FGF13: variants seen among roughly 807,000 people sequenced by gnomAD.
FGF13 encodes fibroblast growth factor homologous factor 2.
In FGF13, 2 loss-of-function variants were observed where a neutral mutation model predicts 19.5. The ratio of observed to expected loss-of-function variants is 0.10; its 90% confidence interval spans 0.04 to 0.32. The LOEUF is 0.32. Ranked by LOEUF, FGF13 falls within the 10% of genes least tolerant of loss-of-function variation. The pLI is 1.00. For synonymous variants in FGF13, 72 were observed against 76.9 expected (o/e 0.94, Z 0.33); for missense variants, 113 against 192.7 (o/e 0.59, Z 2.45).
intron 1 of FGF13, among the ~76,000 whole-genome samples, chrX:139,199,311 CT>C (rs201827656): frequency 0.021 from 2,326 of 111,776 alleles, 68 homozygotes; most frequent in African/African-American, 0.072. Flanking sequence ...TTTTTCCCCC[CT>C]CCTTCAATTG....
chrX:139,104,755 G>T (rs1469537288), intron 1 of FGF13, among the ~76,000 whole-genome samples: 1 of 110,868 alleles, frequency 9.0e-6, no homozygotes, highest in Non-Finnish European at 1.9e-5. Flanking sequence ...GAAAGGCAGG[G>T]AGCTAGCTCT....
intron 3 of FGF13, among the ~76,000 whole-genome samples, chrX:138,702,211 T>G (rs917647594): frequency 1.8e-5 from 2 of 111,305 alleles, no homozygotes; most frequent in African/African-American, 6.5e-5. Flanking sequence ...ATTAATTAAT[T>G]AAGTTAAAAT....
intron 1 of FGF13, among the ~76,000 whole-genome samples, chrX:138,960,143 T>A (rs1052000147): frequency 1.8e-5 from 2 of 112,056 alleles, no homozygotes; most frequent in African/African-American, 6.5e-5. Context: ...TCGGCATGTT[T>A]TTGCAGTGGC....
intron 1 of FGF13, among the ~76,000 whole-genome samples, chrX:138,924,093 G>A (rs1250556142): frequency 8.9e-6 from 1 of 112,219 alleles, no homozygotes; most frequent in East Asian, 2.8e-4. Context: ...ACTGAGGAGA[G>A]GATGTATTAG....
At chrX:138,640,416 A>G (rs2089237119) in intron 3 of FGF13, among the ~76,000 whole-genome samples, 1 of 112,245 alleles carries the variant, frequency 8.9e-6, no homozygotes, top group South Asian at 3.7e-4. Flanking sequence ...AAGGCTTGGG[A>G]GCAATATAAA....
rs187849457 is a variant in FGF13, at chrX:138,785,712, A to C, written c.217+71800T>G. The stretch of plus-strand genomic sequence containing the variant: ...ATTTTTTACAGCTCCTTTTCTTCTC[A>C]CTCTAAATGACCTCGGCCTCATTCA... On this transcript the variant is annotated intron_variant, in intron 3 of 6. Coordinates refer to the FGF13 transcript ENST00000436198. Among the ~76,000 whole-genome samples, 16 of 111,257 alleles carry C rather than the reference A, an allele frequency of 1.4e-4. No homozygotes were observed. In the East Asian group the frequency reaches 4.5e-3, roughly 31 times the overall value.
intron 1 of FGF13, among the ~76,000 whole-genome samples, chrX:138,996,275 C>T: frequency 8.9e-6 from 1 of 112,488 alleles, no homozygotes; most frequent in Non-Finnish European, 1.9e-5. Flanking sequence ...CCCTTTCCTA[C>T]CCAAGGGAAG....
At chrX:138,858,032 A>T (rs1019279109) in intron 2 of FGF13, among the ~76,000 whole-genome samples, 1 of 112,086 alleles carries the variant, frequency 8.9e-6, no homozygotes, top group South Asian at 3.7e-4. Flanking sequence ...AAGTATTCAT[A>T]GGTTAAACTG....
intron 1 of FGF13, among the ~76,000 whole-genome samples, chrX:139,098,677 C>T (rs911689725): frequency 1.5e-4 from 17 of 111,199 alleles, no homozygotes; most frequent in Admixed American, 9.6e-4. Flanking sequence ...GGAAGCTAAA[C>T]GCTGGGTACG....
chrX:138,667,768 G>GCAGAC (rs770027520), intron 3 of FGF13: 1 of 350,513 alleles, frequency 2.9e-6, no homozygotes, highest in Non-Finnish European at 5.8e-6. Flanking sequence ...CAGATAGAGT[G>GCAGAC]CAGACCAGGG....
At chrX:138,646,994 T>C (rs1212226770) in intron 3 of FGF13, among the ~76,000 whole-genome samples, 5 of 111,048 alleles carry the variant, frequency 4.5e-5, no homozygotes, top group Non-Finnish European at 9.4e-5. Flanking sequence ...CGTGAATGTT[T>C]AACGGGGAAG....
intron 1 of FGF13, among the ~76,000 whole-genome samples, chrX:139,138,969 G>A (rs1158829073): frequency 1.1e-5 from 1 of 88,040 alleles, no homozygotes; most frequent in African/African-American, 4.3e-5. Flanking sequence ...TCACTCTGTT[G>A]CCTAGGCTGG....
At chrX:138,880,425 C>A (rs972480799) in intron 1 of FGF13, among the ~76,000 whole-genome samples, 8 of 111,723 alleles carry the variant, frequency 7.2e-5, no homozygotes, top group Non-Finnish European at 1.5e-4. Flanking sequence ...AGACTTGGAA[C>A]CAACCCAAAT....
At position 138,632,613 on chromosome X, in the gene FGF13, C is replaced by T. The variant is rs971874003; in HGVS notation, c.*237G>A. The stretch of plus-strand genomic sequence containing the variant: ...ATCATGAGAAAATTTGGCAGTCCTT[C>T]TCTCAGATTTAGTTCACTAAAATGC... On this transcript the variant is annotated 3_prime_UTR_variant, in exon 5 of 5. Coordinates refer to ENST00000315930, the MANE Select transcript of FGF13 (RefSeq NM_004114.5). 7 of 289,080 alleles carry T rather than the reference C, an allele frequency of 2.4e-5. No individual in the cohort carries two copies. The highest frequency in any genetic ancestry group is 5.1e-5 in the Admixed American group (1 of 19,603). 23.8% of individuals were successfully genotyped at this position (289,080 alleles called of 1,213,427 possible).
At chrX:138,845,177 T>C in intron 3 of FGF13, among the ~76,000 whole-genome samples, 1 of 111,058 alleles carries the variant, frequency 9.0e-6, no homozygotes, top group Non-Finnish European at 1.9e-5. Context: ...TATTAGAGTG[T>C]TTTTGAATGC....
chrX:139,174,135 C>T lies in FGF13; in HGVS notation c.-113+29281G>A, dbSNP rs181909119. ...GGTATCTCATTGTGGTTTTGATTTG[C>T]ATTTCTCCAATGACCAGTGATGATG... On this transcript the variant is annotated intron_variant, in intron 1 of 2. Coordinates refer to the FGF13 transcript ENST00000421460. Among the ~76,000 whole-genome samples, 11 of 112,574 alleles carry T rather than the reference C, an allele frequency of 9.8e-5. 1 individual carries two copies. In the East Asian group the frequency reaches 3.1e-3, roughly 31 times the overall value.
At chrX:138,870,119 CCCTATAAA>C (rs755271911) in intron 1 of FGF13, among the ~76,000 whole-genome samples, 7 of 111,925 alleles carry the variant, frequency 6.3e-5, no homozygotes, top group Admixed American at 2.9e-4. Context: ...CCCTCTCATT[CCCTATAAA>C]CCTAGCTGGT....
intron 1 of FGF13, among the ~76,000 whole-genome samples, chrX:138,913,182 CTTTTTTTT>C: frequency 2.7e-5 from 1 of 37,092 alleles, no homozygotes; most frequent in East Asian, 1.3e-3. Context: ...AAAGCATCTA[CTTTTTTTT>C]TTTTTTTTTT....
intron 3 of FGF13, among the ~76,000 whole-genome samples, chrX:138,779,462 T>A: frequency 9.2e-6 from 1 of 109,184 alleles, no homozygotes; most frequent in East Asian, 2.9e-4. Flanking sequence ...TACAGAGAAG[T>A]GCTGAAAGGA....
Sources: gnomAD v4.1 joint callset for allele counts (sites outside exome capture counted in the v4.1 genomes callset) on GRCh38, gnomAD v4.1.1 for gene constraint, MANE v1.5 for transcripts, NCBI Gene and HGNC (gene_info 2026-07-23, HGNC 2026-07-21) for gene names.